Variants in DOCK4 observed in about 807,000 individuals in gnomAD.
The protein encoded by DOCK4 is dedicator of cytokinesis 4, also known as dedicator of cytokinesis protein 4.
A neutral mutation model predicts 268.1 loss-of-function variants in DOCK4; 97 were observed. The observed-to-expected ratio is 0.36, with a 90% CI of 0.31 to 0.43. The LOEUF (loss-of-function observed/expected upper bound fraction) is 0.43, where lower values mean the gene tolerates loss of function less well. DOCK4 is among the 20% of genes least tolerant of loss of function. The probability of loss-of-function intolerance (pLI) is 1.00; values close to 1 mark genes in which losing one functional copy is unlikely to be tolerated. For missense variants in DOCK4, 2,145 were observed against 2,455.7 expected, an observed-to-expected ratio of 0.87 and a Z score of 2.67; for synonymous variants, 954 against 887.2, an observed-to-expected ratio of 1.08 and a Z score of -1.34.
At chr7:112,026,800 AAG>A in intron 1 of DOCK4, among the ~76,000 whole-genome samples, 1 of 152,118 alleles carries the variant, frequency 6.6e-6, no homozygotes, top group East Asian at 1.9e-4. Context: ...CATTTACAGA[AAG>A]AGTTTTCCAC....
intron 1 of DOCK4, among the ~76,000 whole-genome samples, chr7:112,092,557 G>C (rs1220223278): frequency 1.3e-5 from 2 of 152,046 alleles, no homozygotes; most frequent in Non-Finnish European, 2.9e-5. Flanking sequence ...GTTCCTGCTT[G>C]ACCTCACATG....
In DOCK4 at chr7:111,946,083, C is replaced by T. The variant is rs183206311; in HGVS notation, c.702-285G>A. 7.4e-4 allele frequency among the ~76,000 whole-genome samples: 113 copies of T among 152,190 alleles called. 1 individual carries two copies. The highest frequency in any genetic ancestry group is 1.3e-3 in the Non-Finnish European group (90 of 67,990). On this transcript the variant is annotated intron_variant, in intron 8 of 52. Transcript: ENST00000428084. ...ATTTTATATCAGTAATATCATTATT[C>T]CAAGAGGTAGAAATAAATGCACTAA...
intron 8 of DOCK4, among the ~76,000 whole-genome samples, chr7:111,962,983 G>A (rs996746122): frequency 6.6e-6 from 1 of 152,182 alleles, no homozygotes; most frequent in African/African-American, 2.4e-5. Context: ...CCCTATGCCA[G>A]CTGAGTACCA....
chr7:111,740,875 A>G (rs1355027396), intron 47 of DOCK4, among the ~76,000 whole-genome samples: 1 of 150,758 alleles, frequency 6.6e-6, no homozygotes, highest in Non-Finnish European at 1.5e-5. Flanking sequence ...AGGCTTTTCC[A>G]TCGCTTGCTG....
chr7:112,191,129 G>A (rs200769650), intron 1 of DOCK4, among the ~76,000 whole-genome samples: 1 of 152,168 alleles, frequency 6.6e-6, no homozygotes, highest in African/African-American at 2.4e-5. Context: ...GCCCAGGCTA[G>A]AGTGCAGTAG....
chr7:111,991,958 C>T (rs1475470081), intron 5 of DOCK4, among the ~76,000 whole-genome samples: 8 of 58,994 alleles, frequency 1.4e-4, no homozygotes, highest in Admixed American at 6.1e-4. Flanking sequence ...GAGACTCTGT[C>T]TCCAAAAAAA....
chr7:111,755,760 T>C (rs1048741675), intron 41 of DOCK4, among the ~76,000 whole-genome samples, 159 bp from the exon 42 acceptor site: 2 of 152,240 alleles, frequency 1.3e-5, no homozygotes, highest in African/African-American at 4.8e-5. Context: ...CAGTGAGAGA[T>C]TGCTGAAGCT....
At chr7:111,758,519 TTC>T in intron 41 of DOCK4, 103 bp downstream of exon 41, 2 of 1,294,222 alleles carry the variant, frequency 1.5e-6, no homozygotes, top group East Asian at 4.9e-5. Context: ...TCCCTTCTGT[TTC>T]TGTCACTTGA....
At chr7:111,889,389 G>A (rs956412529) in intron 16 of DOCK4, among the ~76,000 whole-genome samples, 1 of 152,042 alleles carries the variant, frequency 6.6e-6, no homozygotes, top group Non-Finnish European at 1.5e-5. Flanking sequence ...GGGTTCACTG[G>A]GGAGCATATG....
chr7:111,939,514 CAA>C (rs55951068), intron 11 of DOCK4, among the ~76,000 whole-genome samples: 6 of 80,658 alleles, frequency 7.4e-5, no homozygotes, highest in African/African-American at 4.7e-5. Flanking sequence ...GACTCCTTCT[CAA>C]AAAAAAAAAA....
chr7:112,144,493 C>A (rs1197247233), intron 1 of DOCK4, among the ~76,000 whole-genome samples: 3 of 152,154 alleles, frequency 2.0e-5, no homozygotes, highest in Non-Finnish European at 4.4e-5. Context: ...AAATTGCCAG[C>A]CCACTTGGCA....
At chr7:111,784,435 T>C (rs1391052504) in intron 32 of DOCK4, 2 of 578,996 alleles carry the variant, frequency 3.5e-6, no homozygotes, top group Non-Finnish European at 6.5e-6. Context: ...ATGCAACTGC[T>C]ACAGGAAAAT....
chr7:111,776,536 G>C (rs1798451504), intron 36 of DOCK4, among the ~76,000 whole-genome samples: 1 of 152,114 alleles, frequency 6.6e-6, no homozygotes, highest in Non-Finnish European at 1.5e-5. Context: ...AGAGTTCCAG[G>C]AACCTATGGT....
At chr7:112,165,523 C>CCT (rs1285488245) in intron 1 of DOCK4, among the ~76,000 whole-genome samples, 1 of 126,472 alleles carries the variant, frequency 7.9e-6, no homozygotes, top group Admixed American at 8.1e-5. Flanking sequence ...GAATAGTATA[C>CCT]GTGTGTGTGT....
At chr7:111,773,407 A>C (rs1798245758) in intron 36 of DOCK4, among the ~76,000 whole-genome samples, 1 of 152,248 alleles carries the variant, frequency 6.6e-6, no homozygotes, top group Admixed American at 6.5e-5. Flanking sequence ...AATTAAAGAA[A>C]AAAGATTAAC....
chr7:111,942,404 T>C (rs891865279), intron 10 of DOCK4, among the ~76,000 whole-genome samples: 2 of 152,188 alleles, frequency 1.3e-5, no homozygotes, highest in East Asian at 1.9e-4. Flanking sequence ...CCTTGTTAAA[T>C]ATAGTGAACG....
chr7:112,054,636 A>G (rs1424539400), intron 1 of DOCK4, among the ~76,000 whole-genome samples: 1 of 152,162 alleles, frequency 6.6e-6, no homozygotes, highest in Non-Finnish European at 1.5e-5. Flanking sequence ...AGGGAGAAAA[A>G]AAGATGTTTC....
At chr7:112,195,712 T>A (rs1434434886) in intron 1 of DOCK4, among the ~76,000 whole-genome samples, 1 of 150,778 alleles carries the variant, frequency 6.6e-6, no homozygotes, top group Non-Finnish European at 1.5e-5. Context: ...AAAAAAAAAA[T>A]AAGACATAGA....
chr7:112,165,710 T>C (rs1304978399), intron 1 of DOCK4, among the ~76,000 whole-genome samples: 1 of 152,010 alleles, frequency 6.6e-6, no homozygotes, highest in African/African-American at 2.4e-5. Context: ...CTTACAGTAA[T>C]GTAAGGGGAA....
Sources: allele counts gnomAD v4.1 joint callset (sites outside exome capture counted in the v4.1 genomes callset), GRCh38; gene constraint gnomAD v4.1.1; transcripts MANE v1.5; gene names NCBI Gene and HGNC (gene_info 2026-07-23, HGNC 2026-07-21).